The following FOXP1 variants were observed in gnomAD, a reference collection of about 807,000 sequenced individuals.
FOXP1 encodes the protein forkhead box P1, also known as forkhead box protein P1.
A neutral mutation model predicts 98.2 loss-of-function variants in FOXP1; 15 were observed. The observed-to-expected ratio is 0.15, with a 90% CI of 0.10 to 0.24. The LOEUF (loss-of-function observed/expected upper bound fraction) is 0.24. FOXP1 is among the 10% of genes least tolerant of loss of function. The pLI is 1.00. For missense variants in FOXP1, 633 were observed against 848.5 expected (o/e 0.75, Z 3.15); for synonymous variants, 371 against 314.5 (o/e 1.18, Z -1.90).
intron 3 of FOXP1, among the ~76,000 whole-genome samples, chr3:71,385,041 T>C (rs952800297): frequency 7.3e-5 from 11 of 151,330 alleles, no homozygotes; most frequent in Non-Finnish European, 1.3e-4. Context: ...CAACACAACA[T>C]CAGTGACCCT....
At chr3:71,110,535 G>C (rs1433303064) in intron 7 of FOXP1, among the ~76,000 whole-genome samples, 3 of 152,168 alleles carry the variant, frequency 2.0e-5, no homozygotes, top group African/African-American at 7.2e-5. Context: ...TTGAATCACT[G>C]AGTGACAGGC....
intron 3 of FOXP1, among the ~76,000 whole-genome samples, chr3:71,468,570 C>A (rs575895213): frequency 6.6e-6 from 1 of 152,300 alleles, no homozygotes; most frequent in South Asian, 2.1e-4. Context: ...CCCACCCACC[C>A]CCAAACCAGG....
intron 5 of FOXP1, among the ~76,000 whole-genome samples, chr3:71,291,595 T>C (rs1310056428): frequency 3.3e-5 from 5 of 152,176 alleles, no homozygotes; most frequent in Non-Finnish European, 5.9e-5. Flanking sequence ...AGAACTACTT[T>C]ACATTGCAAA....
At chr3:71,375,284 A>T (rs2079631406) in intron 3 of FOXP1, among the ~76,000 whole-genome samples, 2 of 152,220 alleles carry the variant, frequency 1.3e-5, no homozygotes, top group Admixed American at 1.3e-4. Context: ...AGAAAACCCA[A>T]GGGATTCCTC....
chr3:71,264,578 T>C (rs908588860), intron 5 of FOXP1, among the ~76,000 whole-genome samples: 36 of 152,200 alleles, frequency 2.4e-4, no homozygotes, highest in Non-Finnish European at 1.5e-5. Flanking sequence ...GATTTCCTAA[T>C]TGCTTTATCA....
At chr3:71,131,403 CAAA>C (rs10681690) in intron 6 of FOXP1, among the ~76,000 whole-genome samples, 12 of 126,538 alleles carry the variant, frequency 9.5e-5, no homozygotes, top group Admixed American at 1.7e-4. Flanking sequence ...TATTCAATAA[CAAA>C]AAAAAAAAAA....
At chr3:70,979,348 T>A (rs2038368891) in intron 14 of FOXP1, among the ~76,000 whole-genome samples, 2 of 147,486 alleles carry the variant, frequency 1.4e-5, no homozygotes, top group African/African-American at 2.5e-5. Flanking sequence ...GAGCACTGTT[T>A]CAATTTATCT....
intron 3 of FOXP1, among the ~76,000 whole-genome samples, chr3:71,450,408 G>A (rs766234157): frequency 1.3e-5 from 2 of 152,150 alleles, no homozygotes; most frequent in Non-Finnish European, 2.9e-5. Flanking sequence ...TGACAAGCTC[G>A]TTGCCAGTGA....
intron 5 of FOXP1, among the ~76,000 whole-genome samples, chr3:71,222,154 A>C (rs537162306): frequency 1.7e-3 from 260 of 152,196 alleles, no homozygotes; most frequent in African/African-American, 5.8e-3. Flanking sequence ...TCCGTATCAA[A>C]AAAACAAACA....
rs372111474 is a variant in FOXP1, at chr3:71,079,251, C to A, written c.283-25478G>T. On this transcript the variant is annotated intron_variant, in intron 7 of 20. Transcript: ENST00000649528. ...ATTAATACAGTCTGAATTCTTTGCC[C>A]CTGCCCCCCACCTAGGTCTCAACTG... is the stretch of plus-strand genomic sequence containing the variant. 5.3e-5 allele frequency among the ~76,000 whole-genome samples: 8 copies of A among 152,256 alleles called. No individual in the cohort carries two copies. In the East Asian group the frequency reaches 9.7e-4, roughly 18 times the overall value.
At chr3:71,577,977 G>A (rs1329776890) in intron 2 of FOXP1, among the ~76,000 whole-genome samples, 2 of 151,954 alleles carry the variant, frequency 1.3e-5, no homozygotes, top group East Asian at 1.9e-4. Flanking sequence ...GGCCAATATT[G>A]CTGGTATAGC....
chr3:71,212,019 G>A (rs748636729), intron 5 of FOXP1, among the ~76,000 whole-genome samples: 4 of 152,134 alleles, frequency 2.6e-5, no homozygotes, highest in Non-Finnish European at 5.9e-5. Context: ...ATTAAATTCT[G>A]CTAGAACCTG....
intron 6 of FOXP1, 116 bp from the exon 7 acceptor site, chr3:71,112,753 GGCAAATGAAACA>G (rs555092906): frequency 6.5e-5 from 49 of 751,628 alleles, no homozygotes; most frequent in South Asian, 6.4e-4. Flanking sequence ...CCTATTTCCT[GGCAAATGAAACA>G]GCAAATGAAA....
At chr3:71,229,309 C>A (rs2066095071) in intron 5 of FOXP1, among the ~76,000 whole-genome samples, 1 of 152,154 alleles carries the variant, frequency 6.6e-6, no homozygotes, top group African/African-American at 2.4e-5. Context: ...AATACCAGAA[C>A]TTTTTAATTT....
intron 7 of FOXP1, among the ~76,000 whole-genome samples, chr3:71,077,736 G>C (rs1431283243): frequency 1.3e-5 from 2 of 152,042 alleles, no homozygotes; most frequent in Non-Finnish European, 2.9e-5. Context: ...ATAAACAAAT[G>C]AATAAACCAA....
At chr3:71,342,603 G>A (rs552244984) in intron 4 of FOXP1, among the ~76,000 whole-genome samples, 24 of 151,494 alleles carry the variant, frequency 1.6e-4, no homozygotes, top group Non-Finnish European at 3.2e-4. Context: ...TGAGACAGGA[G>A]AACTGCTTAA....
At chr3:71,162,027 T>C (rs2061162279) in intron 6 of FOXP1, among the ~76,000 whole-genome samples, 1 of 152,092 alleles carries the variant, frequency 6.6e-6, no homozygotes. Flanking sequence ...CTGGACCAAT[T>C]GAGGAAAAAT....
rs1447209889 is a variant in FOXP1, at chr3:71,581,547, A to C, written c.-298+2T>G. ...CCCGCGCCCGCGGCCGCCTCGACTT[A>C]CCCGCGGAGTCCGGGGAGGGAGTAG... On this transcript the variant is annotated splice_donor_variant, in intron 2 of 20. Coordinates refer to ENST00000649528, the MANE Select transcript of FOXP1 (RefSeq NM_001349338.3). LOFTEE classifies it low-confidence loss of function (5UTR_SPLICE). The C allele has an allele frequency of 3.0e-6, 3 of 985,186 alleles. No homozygotes were observed. The South Asian group carries it at 1.4e-4, about 46-fold the overall frequency. 61.0% of individuals were successfully genotyped at this position (985,186 alleles called of 1,614,324 possible). A position where few individuals can be genotyped will look rare whatever the true frequency, so the allele number is the denominator to read the frequency against.
chr3:71,180,886 G>A (rs1226908715), intron 6 of FOXP1, among the ~76,000 whole-genome samples: 1 of 152,186 alleles, frequency 6.6e-6, no homozygotes, highest in Non-Finnish European at 1.5e-5. Context: ...ACATTTGTGT[G>A]TGGGGCCCCT....
Sources: gnomAD v4.1 joint callset for allele counts (sites outside exome capture counted in the v4.1 genomes callset) on GRCh38, gnomAD v4.1.1 for gene constraint, MANE v1.5 for transcripts, NCBI Gene and HGNC (gene_info 2026-07-23, HGNC 2026-07-21) for gene names.